The following CSMD3 variants were observed in gnomAD, a reference collection of about 807,000 sequenced individuals.
The protein encoded by CSMD3 is CUB and Sushi multiple domains 3, also known as CUB and sushi domain-containing protein 3.
A neutral mutation model predicts 435.2 loss-of-function variants in CSMD3; 177 were observed. That is an observed-to-expected ratio of 0.41 (90% CI 0.36 to 0.46). The LOEUF (loss-of-function observed/expected upper bound fraction) is 0.46. Among genes scored for constraint, CSMD3 ranks in the 20% least tolerant of loss-of-function variants. CSMD3 has a pLI of 0.34. For missense variants in CSMD3, 4,265 were observed against 4,504.6 expected (o/e 0.95, Z 1.52); for synonymous variants, 1,656 against 1,520.5 (o/e 1.09, Z -2.07).
At chr8:112,947,729 G>C (rs12114303) in intron 9 of CSMD3, 61 bp downstream of exon 9, 43,599 of 773,144 alleles carry the variant, frequency 0.056, 2,110 homozygotes, top group African/African-American at 0.21. Flanking sequence ...CTACTTTAAA[G>C]ATTTAAATTA....
At chr8:112,711,911 C>T (rs571843069) in intron 13 of CSMD3, among the ~76,000 whole-genome samples, 19 of 151,904 alleles carry the variant, frequency 1.3e-4, no homozygotes, top group African/African-American at 3.1e-4. Context: ...TACAGGAGCA[C>T]GACACCAATT....
intron 6 of CSMD3, among the ~76,000 whole-genome samples, chr8:113,003,264 T>C (rs974120940): frequency 6.6e-6 from 1 of 151,816 alleles, no homozygotes; most frequent in Non-Finnish European, 1.5e-5. Context: ...AATAAATAAA[T>C]AGATAAATAA....
intron 2 of CSMD3, among the ~76,000 whole-genome samples, chr8:113,281,021 G>T (rs2093609231): frequency 6.6e-6 from 1 of 151,856 alleles, no homozygotes; most frequent in African/African-American, 2.4e-5. Context: ...CTAAGACAGT[G>T]CTTGATATAA....
At chr8:113,271,663 G>A (rs1033798203) in intron 3 of CSMD3, among the ~76,000 whole-genome samples, 14 of 152,248 alleles carry the variant, frequency 9.2e-5, no homozygotes, top group African/African-American at 2.6e-4. Context: ...GATAACTTAC[G>A]CTAGGGCAGT....
intron 5 of CSMD3, among the ~76,000 whole-genome samples, chr8:113,039,152 A>C (rs1028755178): frequency 1.3e-5 from 2 of 152,298 alleles, no homozygotes; most frequent in East Asian, 3.9e-4. Context: ...AATTTATTTG[A>C]ATGAGTAATG....
intron 45 of CSMD3, among the ~76,000 whole-genome samples, chr8:112,326,729 T>A (rs1339477625): frequency 1.3e-5 from 2 of 152,160 alleles, no homozygotes; most frequent in Non-Finnish European, 2.9e-5. Context: ...AAATTGGATA[T>A]TCTTGGCCAG....
chr8:113,119,228 C>T (rs1379273796), intron 4 of CSMD3, among the ~76,000 whole-genome samples: 1 of 152,104 alleles, frequency 6.6e-6, no homozygotes, highest in Non-Finnish European at 1.5e-5. Context: ...ATAGACTAGA[C>T]AATTTGGTAA....
chr8:112,993,620 G>C lies in CSMD3; in HGVS notation c.1031-17472C>G, dbSNP rs2131029969. 2.6e-5 allele frequency among the ~76,000 whole-genome samples: 4 copies of C among 151,852 alleles called. No homozygotes were observed. The South Asian group carries it at 8.3e-4, about 32-fold the overall frequency. The stretch of plus-strand genomic sequence containing the variant: ...TTCTTTTCAAGGAACCATATTTTTA[G>C]AGGGGTACAGAAACAATAAACCCAT... On this transcript the variant is annotated intron_variant, in intron 6 of 70. Transcript: ENST00000297405.
intron 7 of CSMD3, among the ~76,000 whole-genome samples, chr8:112,964,295 G>C (rs538389009): frequency 6.6e-6 from 1 of 151,984 alleles, no homozygotes; most frequent in South Asian, 2.1e-4. Flanking sequence ...GCGTATCTTA[G>C]AAAACCATAA....
intron 11 of CSMD3, among the ~76,000 whole-genome samples, chr8:112,842,404 T>C (rs1046503711): frequency 6.6e-6 from 1 of 151,822 alleles, no homozygotes; most frequent in African/African-American, 2.4e-5. Context: ...TATGAGAGTG[T>C]GTGTTATCTG....
intron 13 of CSMD3, among the ~76,000 whole-genome samples, chr8:112,709,889 AT>A (rs145048073): frequency 0.33 from 50,509 of 151,876 alleles, 9,257 homozygotes; most frequent in African/African-American, 0.5. Context: ...ACCTCCCTTT[AT>A]CTCAGATAAC....
intron 56 of CSMD3, among the ~76,000 whole-genome samples, chr8:112,291,235 G>T (rs1819733138): frequency 6.6e-6 from 1 of 151,782 alleles, no homozygotes; most frequent in African/African-American, 2.4e-5. Flanking sequence ...CGATAATATT[G>T]TAAAGTAGGA....
At position 112,234,405 on chromosome 8, in the gene CSMD3, A is replaced by T. The variant is rs761357440; in HGVS notation, c.10700T>A (p.Val3567Glu). Residue 3567 changes from valine to glutamate, a missense_variant, in exon 68 of 71, where the codon GTG becomes GAG. This residue lies in a region of CSMD3 where 3,255 missense variants were observed against 3,380.2 expected (regional missense o/e 0.96). Transcript: ENST00000297405. ...CCAATTTTCTTCCTTCATTTTCTTC[A>T]CAGAAGCATGAGCAGGTACTTTAAT... ...YLIKVPAHASVKKMKEENWAM... is the reference protein window; with the variant it reads ...YLIKVPAHASEKKMKEENWAM... 1 of 1,613,308 alleles carries T rather than the reference A, an allele frequency of 6.2e-7. No homozygotes were observed. Among genetic ancestry groups the T allele is most frequent in the Non-Finnish European group, 8.5e-7 (1 of 1,179,610 alleles).
At chr8:113,161,667 A>G (rs536861696) in intron 4 of CSMD3, among the ~76,000 whole-genome samples, 2 of 152,266 alleles carry the variant, frequency 1.3e-5, no homozygotes, top group South Asian at 4.1e-4. Context: ...CCATTATGTC[A>G]TAAGAACATA....
chr8:112,299,217 C>A (rs990540880), intron 53 of CSMD3, among the ~76,000 whole-genome samples: 45 of 151,914 alleles, frequency 3.0e-4, no homozygotes, highest in East Asian at 1.9e-4. Flanking sequence ...GCACAGTGAC[C>A]GTGAAGGGGC....
intron 10 of CSMD3, among the ~76,000 whole-genome samples, chr8:112,875,720 C>T (rs1260337746): frequency 6.6e-6 from 1 of 151,946 alleles, no homozygotes; most frequent in Non-Finnish European, 1.5e-5. Flanking sequence ...TTGGCTGATA[C>T]TTGTGTATGC....
chr8:113,276,954 G>A (rs2093575823), intron 3 of CSMD3, among the ~76,000 whole-genome samples: 1 of 151,966 alleles, frequency 6.6e-6, no homozygotes, highest in Non-Finnish European at 1.5e-5. Context: ...ACAATTGGGA[G>A]CTATGAAAAT....
intron 62 of CSMD3, among the ~76,000 whole-genome samples, 177 bp from the exon 63 acceptor site, chr8:112,254,503 A>C (rs2130262576): frequency 6.6e-6 from 1 of 152,184 alleles, no homozygotes; most frequent in Admixed American, 6.6e-5. Flanking sequence ...TGAAGCAAGA[A>C]AGTCAGGTAG....
intron 1 of CSMD3, among the ~76,000 whole-genome samples, chr8:113,394,172 A>ACACC (rs2094473152): frequency 6.6e-6 from 1 of 151,116 alleles, no homozygotes; most frequent in East Asian, 1.9e-4. Context: ...ACACACACAC[A>ACACC]CACACACACA....
Sources: gnomAD v4.1 joint callset for allele counts (sites outside exome capture counted in the v4.1 genomes callset) on GRCh38, gnomAD v4.1.1 for gene constraint, gnomAD v4.1.1 regional missense constraint, MANE v1.5 for transcripts, NCBI Gene and HGNC (gene_info 2026-07-23, HGNC 2026-07-21) for gene names.